Variants in ADAMTS19 observed in about 807,000 individuals in gnomAD.
The protein encoded by ADAMTS19 is A disintegrin and metalloproteinase with thrombospondin motifs 19.
ADAMTS19 carries 93 observed loss-of-function variants against 153.3 expected under a neutral mutation model. The observed-to-expected ratio is 0.61, with a 90% CI of 0.51 to 0.72. The LOEUF is 0.72. Ranked by LOEUF, ADAMTS19 falls within the 30% of genes least tolerant of loss-of-function variation. ADAMTS19 has a pLI of 0.00. For missense variants in ADAMTS19, 1,482 were observed against 1,552.1 expected (o/e 0.95, Z 0.76); for synonymous variants, 600 against 556.6 (o/e 1.08, Z -1.10).
chr5:129,474,515 C>T (rs1487113417), intron 2 of ADAMTS19, among the ~76,000 whole-genome samples: 3 of 152,038 alleles, frequency 2.0e-5, no homozygotes, highest in Non-Finnish European at 4.4e-5. Flanking sequence ...TATATTCCCC[C>T]CCAGTAATGT....
intron 10 of ADAMTS19, among the ~76,000 whole-genome samples, chr5:129,630,780 A>G (rs1752251418): frequency 6.6e-6 from 1 of 152,096 alleles, no homozygotes; most frequent in Non-Finnish European, 1.5e-5. Flanking sequence ...CTCTGTTAAG[A>G]CAATGAAAAG....
rs1348380409 is a variant in ADAMTS19 at position 129,737,935 on chromosome 5, A to G, written c.*717A>G. On this transcript the variant is annotated 3_prime_UTR_variant, in exon 23 of 23. Transcript: ENST00000274487. Reference sequence around the variant, plus strand: ...TGCACTGTTGATATAGTGTAGAGAAATCGTTAGAAATGGTGACATCTTACA... The same window carrying G: ...TGCACTGTTGATATAGTGTAGAGAAGTCGTTAGAAATGGTGACATCTTACA... 2 of 152,530 alleles carry G rather than the reference A, an allele frequency of 1.3e-5. No homozygotes were observed. The highest frequency in any genetic ancestry group is 4.8e-5 in the African/African-American group (2 of 41,438). 9.4% of individuals were successfully genotyped at this position (152,530 alleles called of 1,614,324 possible). A position where few individuals can be genotyped will look rare whatever the true frequency, so the allele number is the denominator to read the frequency against.
chr5:129,499,009 T>C (rs559036932), intron 2 of ADAMTS19, among the ~76,000 whole-genome samples: 2 of 152,160 alleles, frequency 1.3e-5, no homozygotes, highest in East Asian at 3.9e-4. Flanking sequence ...AGGTATTTAA[T>C]AGGTATATTT....
At chr5:129,555,564 C>T (rs1214588697) in intron 7 of ADAMTS19, among the ~76,000 whole-genome samples, 2 of 152,078 alleles carry the variant, frequency 1.3e-5, no homozygotes, top group Non-Finnish European at 2.9e-5. Flanking sequence ...GCTTGGATTC[C>T]TCACCTTTAA....
chr5:129,468,352 G>GTTA (rs1169107399), intron 2 of ADAMTS19, among the ~76,000 whole-genome samples: 3 of 151,942 alleles, frequency 2.0e-5, no homozygotes, highest in Non-Finnish European at 2.9e-5. Flanking sequence ...GATAAAAGAT[G>GTTA]TTATTATTAT....
intron 6 of ADAMTS19, among the ~76,000 whole-genome samples, chr5:129,538,178 G>T (rs905903837): frequency 2.0e-5 from 3 of 151,914 alleles, no homozygotes; most frequent in African/African-American, 7.3e-5. Flanking sequence ...TATTACAAAT[G>T]CAATATATAT....
chr5:129,657,992 A>G (rs1036308795), intron 14 of ADAMTS19, among the ~76,000 whole-genome samples: 3 of 152,156 alleles, frequency 2.0e-5, no homozygotes, highest in African/African-American at 7.2e-5. Flanking sequence ...CTTACTATAA[A>G]AGATACTCTA....
chr5:129,517,509 G>C (rs1402071632), intron 3 of ADAMTS19, among the ~76,000 whole-genome samples: 1 of 151,824 alleles, frequency 6.6e-6, no homozygotes, highest in Non-Finnish European at 1.5e-5. Flanking sequence ...ATATCCTCTT[G>C]TTGAATGGAC....
At chr5:129,684,329 C>G (rs1355473661) in intron 18 of ADAMTS19, 56 bp downstream of exon 18, 1 of 1,581,602 alleles carries the variant, frequency 6.3e-7, no homozygotes, top group African/African-American at 1.4e-5. Flanking sequence ...TCTGATTAAG[C>G]ATTGATAATT....
intron 2 of ADAMTS19, among the ~76,000 whole-genome samples, chr5:129,471,841 T>C (rs567770321): frequency 6.6e-6 from 1 of 152,300 alleles, no homozygotes; most frequent in African/African-American, 2.4e-5. Context: ...TTGCTAAGGA[T>C]CATGGCCTCC....
At chr5:129,703,579 G>T (rs1368928761) in intron 20 of ADAMTS19, among the ~76,000 whole-genome samples, 1 of 151,952 alleles carries the variant, frequency 6.6e-6, no homozygotes, top group Non-Finnish European at 1.5e-5. Flanking sequence ...TGAAAATACA[G>T]AAATTAGCTG....
chr5:129,607,547 T>C (rs1370961457), intron 8 of ADAMTS19, among the ~76,000 whole-genome samples: 2 of 152,176 alleles, frequency 1.3e-5, no homozygotes, highest in East Asian at 3.9e-4. Context: ...GGAATGCAAT[T>C]GTCTTGACTA....
intron 7 of ADAMTS19, among the ~76,000 whole-genome samples, chr5:129,556,888 A>T (rs967183801): frequency 6.6e-6 from 1 of 152,190 alleles, no homozygotes; most frequent in Non-Finnish European, 1.5e-5. Context: ...GATTTTAGCC[A>T]GTGAGGTCTG....
At chr5:129,715,513 C>T (rs984715923) in intron 21 of ADAMTS19, among the ~76,000 whole-genome samples, 6 of 152,170 alleles carry the variant, frequency 3.9e-5, no homozygotes, top group South Asian at 2.1e-4. Context: ...TGGCTATATT[C>T]GAATTGTAGT....
At chr5:129,648,505 GCTTT>G (rs1027114547) in intron 12 of ADAMTS19, among the ~76,000 whole-genome samples, 12 of 152,146 alleles carry the variant, frequency 7.9e-5, no homozygotes, top group East Asian at 3.9e-4. Context: ...GCATTTGAAG[GCTTT>G]CTATTTTCCC....
At chr5:129,516,262 T>C (rs1202131325) in intron 3 of ADAMTS19, among the ~76,000 whole-genome samples, 1 of 147,098 alleles carries the variant, frequency 6.8e-6, no homozygotes, top group African/African-American at 2.5e-5. Context: ...AATTTATGTG[T>C]CTTTTTTTCT....
At chr5:129,620,368 A>T (rs1182161222) in intron 8 of ADAMTS19, among the ~76,000 whole-genome samples, 4 of 152,094 alleles carry the variant, frequency 2.6e-5, no homozygotes, top group Non-Finnish European at 4.4e-5. Flanking sequence ...GGACCTAAAC[A>T]TGTCATTTTA....
chr5:129,676,862 T>G (rs988456037), intron 16 of ADAMTS19, among the ~76,000 whole-genome samples: 1 of 152,194 alleles, frequency 6.6e-6, no homozygotes, highest in African/African-American at 2.4e-5. Context: ...GAATGCTGAA[T>G]GTCAAAAATA....
chr5:129,572,939 CAA>C (rs1753965437), intron 7 of ADAMTS19, among the ~76,000 whole-genome samples: 1 of 151,772 alleles, frequency 6.6e-6, no homozygotes. Flanking sequence ...TAGAACAAAA[CAA>C]AAAAGAGTAA....
Sources: allele counts gnomAD v4.1 joint callset (sites outside exome capture counted in the v4.1 genomes callset), GRCh38; gene constraint gnomAD v4.1.1; transcripts MANE v1.5; gene names NCBI Gene and HGNC (gene_info 2026-07-23, HGNC 2026-07-21).